Variants in PDHX observed in about 807,000 individuals in gnomAD.
The protein encoded by PDHX is pyruvate dehydrogenase complex component X, also known as pyruvate dehydrogenase protein X component, mitochondrial.
Under a neutral mutation model 55.3 loss-of-function variants are expected in PDHX, and 33 were observed. The ratio of observed to expected loss-of-function variants is 0.60; its 90% CI spans 0.45 to 0.80. The LOEUF (loss-of-function observed/expected upper bound fraction) is 0.80. Among genes scored for constraint, PDHX ranks in the 30% least tolerant of loss-of-function variants. PDHX has a pLI of 0.00. For missense variants in PDHX, 622 were observed against 619.9 expected (o/e 1.00, Z -0.04); for synonymous variants, 226 against 219.4 (o/e 1.03, Z -0.27).
chr11:34,947,045 A>G (rs1475270563), intron 2 of PDHX, among the ~76,000 whole-genome samples: 2 of 152,180 alleles, frequency 1.3e-5, no homozygotes, highest in Non-Finnish European at 2.9e-5. Context: ...TTATTCATTT[A>G]TACTGTGTGC....
At chr11:34,945,068 T>C (rs1288058695) in intron 2 of PDHX, among the ~76,000 whole-genome samples, 3 of 152,176 alleles carry the variant, frequency 2.0e-5, no homozygotes, top group Non-Finnish European at 4.4e-5. Context: ...TAAATTAAAT[T>C]TTGCCAATAA....
intron 7 of PDHX, among the ~76,000 whole-genome samples, chr11:34,975,822 A>G (rs1855357315): frequency 6.6e-6 from 1 of 152,204 alleles, no homozygotes; most frequent in African/African-American, 2.4e-5. Context: ...TCACCCTGTC[A>G]GGATGGGAAC....
chr11:34,968,380 T>C (rs1220600288), intron 6 of PDHX, among the ~76,000 whole-genome samples: 5 of 152,216 alleles, frequency 3.3e-5, no homozygotes, highest in Admixed American at 2.0e-4. Context: ...AAATGTTTAA[T>C]TTCTTAATGA....
At chr11:34,975,134 T>C (rs1449826488) in intron 7 of PDHX, among the ~76,000 whole-genome samples, 1 of 152,174 alleles carries the variant, frequency 6.6e-6, no homozygotes, top group African/African-American at 2.4e-5. Flanking sequence ...CTGCCGTTCT[T>C]AATATTTGTT....
At chr11:34,916,870 A>T in intron 1 of PDHX, 55 bp downstream of exon 1, 1 of 1,488,760 alleles carries the variant, frequency 6.7e-7, no homozygotes, top group South Asian at 1.2e-5. Flanking sequence ...TGGGCCTGGG[A>T]CAGGGGCAGT....
intron 3 of PDHX, among the ~76,000 whole-genome samples, chr11:34,953,528 G>T (rs59671046): frequency 6.6e-6 from 1 of 152,268 alleles, no homozygotes. Flanking sequence ...CAGATTGTGA[G>T]GAAAGATAGT....
In PDHX at chr11:34,929,657, A is replaced by G. The variant is rs185915669; in HGVS notation, c.161-1747A>G. 2.6e-5 allele frequency among the ~76,000 whole-genome samples: 4 copies of G among 152,336 alleles called. No homozygotes were observed. In the East Asian group the frequency reaches 7.7e-4, roughly 29 times the overall value. On this transcript the variant is annotated intron_variant, in intron 1 of 10. Coordinates refer to ENST00000227868, the MANE Select transcript of PDHX (RefSeq NM_003477.3). ...AACCATTAATTAATTGATGATCCATATTTGTAAGGAACATTGAGATGTAAA... is the reference window on the plus strand; with the variant it reads ...AACCATTAATTAATTGATGATCCATGTTTGTAAGGAACATTGAGATGTAAA...
intron 3 of PDHX, among the ~76,000 whole-genome samples, chr11:34,950,047 C>A (rs1259555210): frequency 1.3e-5 from 2 of 152,048 alleles, no homozygotes; most frequent in African/African-American, 4.8e-5. Flanking sequence ...TTGGTTTCTT[C>A]ACTTTATCTC....
chr11:34,986,322 A>AAAG (rs1554922604), intron 9 of PDHX, among the ~76,000 whole-genome samples: 21 of 147,482 alleles, frequency 1.4e-4, no homozygotes, highest in Non-Finnish European at 2.4e-4. Context: ...AAAAAAAAAA[A>AAAG]AAAAGAAAGG....
In PDHX at chr11:34,993,837, A is replaced by T. The variant is rs142759864; in HGVS notation, c.1248-1077A>T. ...AAGTCTTTTGATGATTTGAGAATTG[A>T]CATCCTTACAGTATTGAGTATTCTA... On this transcript the variant is annotated intron_variant, in intron 10 of 10. Transcript: ENST00000227868. Among the ~76,000 whole-genome samples, 4 of 152,292 alleles carry T rather than the reference A, an allele frequency of 2.6e-5. No homozygotes were observed. In the East Asian group the frequency reaches 7.7e-4, roughly 29 times the overall value.
chr11:34,970,213 TG>T lies in PDHX; in HGVS notation c.892del (p.Val298TyrfsTer16). 3 of 1,612,784 alleles carry T rather than the reference TG, an allele frequency of 1.9e-6. No individual in the cohort carries two copies. The highest frequency in any genetic ancestry group is 2.2e-5 in the East Asian group (1 of 44,862). ...AGAGATTAACTGAATCTAAAAGTACTGTACCTCATGCATATGCTACTGCTGA... is the reference window on the plus strand; with the variant it reads ...AGAGATTAACTGAATCTAAAAGTACTTACCTCATGCATATGCTACTGCTGA... ...AKRLTESKST[V>X]PHAYATADCD... On this transcript the variant is annotated frameshift_variant, in exon 7 of 11. Coordinates refer to ENST00000227868, the MANE Select transcript of PDHX (RefSeq NM_003477.3). LOFTEE classifies it high-confidence loss of function.
chr11:34,991,692 T>G (rs1855760850), intron 9 of PDHX, among the ~76,000 whole-genome samples: 2 of 151,926 alleles, frequency 1.3e-5, no homozygotes, highest in Admixed American at 1.3e-4. Context: ...GTGGATCACT[T>G]GAGTTCAGGA....
chr11:34,982,197 T>G (rs566116915), intron 8 of PDHX, among the ~76,000 whole-genome samples: 25 of 152,342 alleles, frequency 1.6e-4, no homozygotes, highest in African/African-American at 5.5e-4. Flanking sequence ...AAGGAAGAGT[T>G]CCAGTTTCAG....
At chr11:34,989,673 C>T (rs1164395642) in intron 9 of PDHX, among the ~76,000 whole-genome samples, 1 of 152,120 alleles carries the variant, frequency 6.6e-6, no homozygotes, top group East Asian at 1.9e-4. Flanking sequence ...TCATTGGTTT[C>T]TCAGTTCAGT....
At chr11:34,977,657 C>T in intron 7 of PDHX, 2 of 377,264 alleles carry the variant, frequency 5.3e-6, no homozygotes, top group East Asian at 7.5e-5. Context: ...TATAAAGTAC[C>T]TACATGTATC....
chr11:34,935,956 CAA>C (rs1194031066), intron 2 of PDHX, among the ~76,000 whole-genome samples: 2 of 152,086 alleles, frequency 1.3e-5, no homozygotes, highest in Non-Finnish European at 2.9e-5. Context: ...AAAATAGTAT[CAA>C]AAGAGTTTAG....
rs1165740914 is a variant in PDHX, at chr11:34,995,370, TCTAA to T, written c.*203_*206del. On this transcript the variant is annotated 3_prime_UTR_variant, in exon 11 of 11. Coordinates refer to ENST00000227868, the MANE Select transcript of PDHX (RefSeq NM_003477.3). ...GTTATAGAAATAAATGATGATAAAC[TCTAA>T]CTAATAAAGGAAAGAGAATATTTGG... 2 of 567,014 alleles carry T rather than the reference TCTAA, an allele frequency of 3.5e-6. No homozygotes were observed. Among genetic ancestry groups the T allele is most frequent in the East Asian group, 3.2e-5 (1 of 31,154 alleles). The allele number at this position is 567,014 out of a possible 1,614,324, so 35.1% of individuals were successfully genotyped here.
At chr11:34,916,333 G>A (rs1324448443), upstream of PDHX, 4 of 1,603,816 alleles carry the variant, frequency 2.5e-6, no homozygotes, top group African/African-American at 2.7e-5. Flanking sequence ...ACGGCTTTGC[G>A]CGCGGCGCTT....
intron 9 of PDHX, 67 bp from the exon 10 acceptor site, chr11:34,992,248 T>C: frequency 1.1e-6 from 1 of 891,404 alleles, no homozygotes; most frequent in Non-Finnish European, 1.9e-6. Flanking sequence ...TGTACAAATA[T>C]TTCAAGTGAC....
Sources: allele counts gnomAD v4.1 joint callset (sites outside exome capture counted in the v4.1 genomes callset), GRCh38; gene constraint gnomAD v4.1.1; transcripts MANE v1.5; gene names NCBI Gene and HGNC (gene_info 2026-07-23, HGNC 2026-07-21).